Variants in PLEKHA6 observed in about 807,000 individuals in gnomAD.
PLEKHA6 encodes pleckstrin homology domain containing A6.
PLEKHA6 carries 60 observed loss-of-function variants against 116.7 expected under a neutral mutation model. The observed-to-expected ratio is 0.51, with a 90% CI of 0.42 to 0.64. The LOEUF is 0.64. PLEKHA6 is among the 30% of genes least tolerant of loss of function. The pLI, the probability that PLEKHA6 is intolerant of heterozygous loss-of-function variation, is 0.00. For missense variants in PLEKHA6, 1,338 were observed against 1,422.7 expected (o/e 0.94, Z 0.96); for synonymous variants, 489 against 556.1 (o/e 0.88, Z 1.70).
At position 204,248,829 on chromosome 1, in the gene PLEKHA6, C is replaced by T; in HGVS notation, c.1816G>A (p.Ala606Thr). ...LINIRVELSQATTALTNSTIE... is the reference protein window; with the variant it reads ...LINIRVELSQTTTALTNSTIE... ...CCCGCTCCCTGGGTTACCGTGGTCG[C>T]CTGAGACAGCTCCACGCGGATGTTG... The change falls in exon 12 of 23, where the codon GCG becomes ACG. Residue 606 changes from alanine to threonine, a missense_variant. Physicochemically the swap from Ala to Thr is moderately conservative, Grantham distance 58 (BLOSUM62 0). Coordinates refer to ENST00000272203, the MANE Select transcript of PLEKHA6 (RefSeq NM_014935.5). 6.2e-7 allele frequency: 1 copy of T among 1,613,816 alleles called. No individual in the cohort carries two copies. Among genetic ancestry groups the T allele is most frequent in the Non-Finnish European group, 8.5e-7 (1 of 1,179,972 alleles).
intron 1 of PLEKHA6, among the ~76,000 whole-genome samples, chr1:204,308,723 C>A (rs1256606560): frequency 9.4e-6 from 1 of 106,186 alleles, no homozygotes; most frequent in Non-Finnish European, 1.8e-5. Context: ...CAGAGTCTGG[C>A]TGTCGCCCAG....
At chr1:204,239,522 A>G (rs1467406918) in intron 17 of PLEKHA6, among the ~76,000 whole-genome samples, 1 of 152,092 alleles carries the variant, frequency 6.6e-6, no homozygotes, top group Non-Finnish European at 1.5e-5. Flanking sequence ...CCATCCATGG[A>G]CTCACGGAAT....
intron 18 of PLEKHA6, 98 bp from the exon 19 acceptor site, chr1:204,229,202 A>T: frequency 8.4e-7 from 1 of 1,187,494 alleles, no homozygotes; most frequent in Admixed American, 2.0e-5. Context: ...AGCTCGCCTG[A>T]TCTAGCTGCC....
At chr1:204,297,614 AG>A (rs34256523) in intron 1 of PLEKHA6, among the ~76,000 whole-genome samples, 40 of 151,528 alleles carry the variant, frequency 2.6e-4, no homozygotes, top group African/African-American at 8.7e-4. Context: ...CATCGGCAAC[AG>A]GGGGGGTGGG....
chr1:204,347,264 C>G (rs529035710), intron 1 of PLEKHA6: 4 of 993,214 alleles, frequency 4.0e-6, no homozygotes. Context: ...GTCATTTTGG[C>G]GAATTACTGG....
chr1:204,234,566 A>G (rs1232413080), intron 17 of PLEKHA6, among the ~76,000 whole-genome samples: 3 of 152,118 alleles, frequency 2.0e-5, no homozygotes, highest in Non-Finnish European at 4.4e-5. Context: ...TATATTTTTT[A>G]TGCATATGTG....
chr1:204,340,586 A>G (rs1452266855), intron 1 of PLEKHA6, among the ~76,000 whole-genome samples: 1 of 152,172 alleles, frequency 6.6e-6, no homozygotes, highest in African/African-American at 2.4e-5. Context: ...TCTTGCCTCA[A>G]ATGAGCCAAG....
chr1:204,230,684 C>G, intron 17 of PLEKHA6, 98 bp from the exon 18 acceptor site: 2 of 1,063,384 alleles, frequency 1.9e-6, no homozygotes, highest in Non-Finnish European at 2.7e-6. Context: ...GGGAAGTCTG[C>G]CTGTAGTGGA....
rs1659854064 is a variant in PLEKHA6, at chr1:204,223,190, GCTCC to G, written c.*8+268_*8+271del. On this transcript the variant is annotated intron_variant, in intron 22 of 22. Coordinates refer to ENST00000272203, the MANE Select transcript of PLEKHA6 (RefSeq NM_014935.5). This position sits in a 1 kb window ranked among gnomAD's most constrained non-coding sequence, Gnocchi z 4.8. ...CTGAGAGCAGACAGGTGAGGTCTCG[GCTCC>G]ATTCCCTGCCTGCTTCTGGAGAAGC... is the stretch of plus-strand genomic sequence containing the variant. 6.6e-6 allele frequency among the ~76,000 whole-genome samples: 1 copy of G among 152,146 alleles called. No homozygotes were observed. Among genetic ancestry groups the G allele is most frequent in the African/African-American group, 2.4e-5 (1 of 41,438 alleles).
intron 1 of PLEKHA6, chr1:204,301,357 C>G: frequency 1.0e-6 from 1 of 968,156 alleles, no homozygotes; most frequent in Non-Finnish European, 1.2e-6. Context: ...TGGCATGGGA[C>G]AGGGGAGAGG....
At chr1:204,375,673 T>C (rs1449364288) in intron 1 of PLEKHA6, among the ~76,000 whole-genome samples, 1 of 152,090 alleles carries the variant, frequency 6.6e-6, no homozygotes, top group Non-Finnish European at 1.5e-5. Flanking sequence ...ACAGACTCGA[T>C]GATGTCAAGT....
upstream of PLEKHA6, among the ~76,000 whole-genome samples, chr1:204,364,199 C>A (rs1462960577): frequency 1.3e-5 from 2 of 152,318 alleles, no homozygotes; most frequent in East Asian, 3.9e-4. Flanking sequence ...GTTTGAGTTT[C>A]TAACTCATCC....
In PLEKHA6 at chr1:204,228,815, A is replaced by G. The variant is rs747730684; in HGVS notation, c.2798T>C (p.Leu933Pro). Residue 933 changes from leucine to proline, a missense_variant, in exon 20 of 23, where the codon CTG (leucine) becomes CCG (proline). This residue lies in a region of PLEKHA6 where 1,136 missense variants were observed against 1,163.6 expected (regional missense o/e 0.98). Coordinates refer to ENST00000272203, the MANE Select transcript of PLEKHA6 (RefSeq NM_014935.5). The surrounding 1 kb of genome is among the most constrained non-coding windows in gnomAD (Gnocchi z 4.0). ...AGGGCTCAGGGGAGTGTCAGGCTCC[A>G]GGTCAATGTACCGTTCAGGGATGAG... Reference protein sequence around the residue: ...KVLIPERYIDLEPDTPLSPEE... With the variant: ...KVLIPERYIDPEPDTPLSPEE... 8.7e-6 allele frequency: 14 copies of G among 1,613,866 alleles called. No homozygotes were observed. Among genetic ancestry groups the G allele is most frequent in the African/African-American group, 1.3e-5 (1 of 74,854 alleles).
intron 11 of PLEKHA6, 24 bp from the exon 12 acceptor site, chr1:204,248,994 A>G: frequency 6.2e-7 from 1 of 1,612,416 alleles, no homozygotes; most frequent in Non-Finnish European, 8.5e-7. Flanking sequence ...GGGGAATGAC[A>G]TGAGCAGCCC....
At chr1:204,374,940 T>G (rs578018517) in intron 1 of PLEKHA6, among the ~76,000 whole-genome samples, 1 of 152,176 alleles carries the variant, frequency 6.6e-6, no homozygotes, top group African/African-American at 2.4e-5. Flanking sequence ...CTAAATCCAC[T>G]AGGCATTTTT....
At chr1:204,330,043 T>C (rs1672392335) in intron 1 of PLEKHA6, among the ~76,000 whole-genome samples, 1 of 152,170 alleles carries the variant, frequency 6.6e-6, no homozygotes, top group African/African-American at 2.4e-5. Flanking sequence ...GAAAAAAATA[T>C]ATATATAATC....
intron 4 of PLEKHA6, 79 bp downstream of exon 4, chr1:204,268,129 T>C (rs924366227): frequency 3.8e-5 from 33 of 860,598 alleles, no homozygotes; most frequent in Non-Finnish European, 5.6e-5. Flanking sequence ...ATACACAGCC[T>C]GTCATAAGCA....
At position 204,247,514 on chromosome 1, in the gene PLEKHA6, C is replaced by G. The variant is rs2102625091; in HGVS notation, c.1825-54G>C. ...AAGCCGCCATCACCAAGGCATTCCT[C>G]CTTATCCTGCAATGGACCCTGGGGC... On this transcript the variant is annotated intron_variant, in intron 12 of 22. Coordinates refer to ENST00000272203, the MANE Select transcript of PLEKHA6 (RefSeq NM_014935.5). 8 of 1,177,828 alleles carry G rather than the reference C, an allele frequency of 6.8e-6. No homozygotes were observed. In the East Asian group the frequency reaches 7.1e-5, roughly 11 times the overall value. 73.0% of individuals were successfully genotyped at this position (1,177,828 alleles called of 1,614,324 possible).
rs1218957054 is a variant in PLEKHA6 at position 204,220,926 on chromosome 1, G to A, written c.*1862C>T. On this transcript the variant is annotated 3_prime_UTR_variant, in exon 23 of 23. Coordinates refer to ENST00000272203, the MANE Select transcript of PLEKHA6 (RefSeq NM_014935.5). ...AAAAAAAGAGACGGACAAAGTGGCAGGCATGGAAGGCCCTGAAAAATCTGT... is the reference window on the plus strand; with the variant it reads ...AAAAAAAGAGACGGACAAAGTGGCAAGCATGGAAGGCCCTGAAAAATCTGT... The A allele has an allele frequency of 1.3e-5, 2 of 152,030 alleles. No homozygotes were observed. The highest frequency in any genetic ancestry group is 3.9e-4 in the East Asian group (2 of 5,170). 9.4% of individuals were successfully genotyped at this position (152,030 alleles called of 1,614,324 possible).
Sources: allele counts gnomAD v4.1 joint callset (sites outside exome capture counted in the v4.1 genomes callset), GRCh38; gene constraint gnomAD v4.1.1; regional missense constraint gnomAD v4.1.1; non-coding constraint Gnocchi (gnomAD v3.1); transcripts MANE v1.5; gene names NCBI Gene and HGNC (gene_info 2026-07-23, HGNC 2026-07-21).